HAO1: variants seen among roughly 807,000 people sequenced by gnomAD.
HAO1 encodes the protein 2-Hydroxyacid oxidase 1.
Under a neutral mutation model 39.7 loss-of-function variants are expected in HAO1, and 34 were observed. The ratio of observed to expected loss-of-function variants is 0.86; its 90% CI spans 0.65 to 1.14. HAO1 has a LOEUF of 1.14. Ranked by LOEUF, HAO1 falls within the 50% of genes most tolerant of loss-of-function variation. The probability of loss-of-function intolerance (pLI) is 0.00; values close to 1 mark genes in which losing one functional copy is unlikely to be tolerated. For synonymous variants in HAO1, 172 were observed against 173.2 expected (o/e 0.99, Z 0.05); for missense variants, 479 against 464.5 (o/e 1.03, Z -0.29).
At chr20:7,921,399 A>G (rs944529046) in intron 2 of HAO1, among the ~76,000 whole-genome samples, 3 of 152,190 alleles carry the variant, frequency 2.0e-5, no homozygotes, top group East Asian at 1.9e-4. Context: ...TCAAAACCAC[A>G]ATGATATACC....
At chr20:7,935,370 C>T (rs1451054912) in intron 1 of HAO1, among the ~76,000 whole-genome samples, 1 of 152,144 alleles carries the variant, frequency 6.6e-6, no homozygotes, top group African/African-American at 2.4e-5. Flanking sequence ...CTTCCCCAAT[C>T]TTGAAAATCA....
At chr20:7,939,935 T>C (rs1460669875) in intron 1 of HAO1, among the ~76,000 whole-genome samples, 1 of 152,244 alleles carries the variant, frequency 6.6e-6, no homozygotes. Flanking sequence ...TGGCATTTAA[T>C]GCTGTTTCCT....
chr20:7,903,593 G>GGTAGTT (rs2050231967), intron 4 of HAO1, among the ~76,000 whole-genome samples: 4 of 150,432 alleles, frequency 2.7e-5, no homozygotes, highest in Non-Finnish European at 5.9e-5. Flanking sequence ...TGGTTATGGC[G>GGTAGTT]CTGGTGGTGG....
intron 5 of HAO1, among the ~76,000 whole-genome samples, chr20:7,894,502 G>T (rs989029060): frequency 2.0e-5 from 3 of 152,124 alleles, no homozygotes; most frequent in African/African-American, 7.2e-5. Flanking sequence ...AATAGACCTG[G>T]GGAGCAGATC....
intron 1 of HAO1, 89 bp downstream of exon 1, chr20:7,940,197 C>T: frequency 8.4e-6 from 9 of 1,071,684 alleles, no homozygotes; most frequent in South Asian, 1.7e-5. Context: ...CAAATAATTA[C>T]ACACCACCAA....
Position 7,906,170 on chromosome 20 carries a change from T to G in HAO1, c.705A>C (p.Ala235=). The change falls in exon 4 of 8, where the codon GCA becomes GCC. Residue 235 remains alanine (A), a synonymous_variant. Coordinates refer to ENST00000378789, the MANE Select transcript of HAO1 (RefSeq NM_017545.3). ...LRRLTSLPIV[A]KGILRGDDAR... is the part of the protein sequence containing the mutation. ...TAAACGAACCTCTCAAAATGCCCTTTGCAACAATTGGCAATGATGTCAGTC... is the reference window on the plus strand; with the variant it reads ...TAAACGAACCTCTCAAAATGCCCTTGGCAACAATTGGCAATGATGTCAGTC... The G allele has an allele frequency of 6.2e-7, 1 of 1,612,570 alleles. No homozygotes were observed. Among genetic ancestry groups the G allele is most frequent in the Non-Finnish European group, 8.5e-7 (1 of 1,178,648 alleles).
chr20:7,934,317 G>A (rs985717468), intron 2 of HAO1, among the ~76,000 whole-genome samples, 167 bp downstream of exon 2: 3 of 152,226 alleles, frequency 2.0e-5, no homozygotes, highest in Admixed American at 6.5e-5. Flanking sequence ...CAGCTGGAAA[G>A]AAGAGGAGCA....
rs1397014891 is a variant in HAO1 at position 7,883,463 on chromosome 20, T to C, written c.*130A>G. ...TGAAATAAAAGGGATTGCTATTTTG[T>C]TGGAAAAGAACGACACCCTTTGTAT... On this transcript the variant is annotated 3_prime_UTR_variant, in exon 8 of 8. Transcript: ENST00000378789. 7 of 712,092 alleles carry C rather than the reference T, an allele frequency of 9.8e-6. No homozygotes were observed. The highest frequency in any genetic ancestry group is 2.1e-5 in the Admixed American group (1 of 46,588). The allele number at this position is 712,092 out of a possible 1,614,324, so 44.1% of individuals were successfully genotyped here.
chr20:7,922,775 A>G (rs905605235), intron 2 of HAO1, among the ~76,000 whole-genome samples: 1 of 152,100 alleles, frequency 6.6e-6, no homozygotes, highest in African/African-American at 2.4e-5. Context: ...TGGAAGAAAA[A>G]TTGTAAAGTT....
At chr20:7,905,037 T>C (rs575930542) in intron 4 of HAO1, among the ~76,000 whole-genome samples, 1 of 152,318 alleles carries the variant, frequency 6.6e-6, no homozygotes, top group East Asian at 1.9e-4. Flanking sequence ...ACAATTTTTG[T>C]AGAAGTACAG....
At chr20:7,895,950 T>A (rs1049015680) in intron 4 of HAO1, among the ~76,000 whole-genome samples, 1 of 152,002 alleles carries the variant, frequency 6.6e-6, no homozygotes, top group Non-Finnish European at 1.5e-5. Context: ...CAGGTGCCTG[T>A]AGTCCCAGCT....
intron 4 of HAO1, among the ~76,000 whole-genome samples, chr20:7,903,789 G>A (rs1458042492): frequency 6.8e-6 from 1 of 147,996 alleles, no homozygotes; most frequent in Non-Finnish European, 1.5e-5. Flanking sequence ...TGGGAGTGGT[G>A]ATGGTGATAG....
At chr20:7,904,112 A>G (rs2050236766) in intron 4 of HAO1, among the ~76,000 whole-genome samples, 1 of 152,312 alleles carries the variant, frequency 6.6e-6, no homozygotes, top group African/African-American at 2.4e-5. Flanking sequence ...TGAAACAATT[A>G]TGGAACAAGA....
At chr20:7,894,892 A>G (rs1048001971) in intron 5 of HAO1, among the ~76,000 whole-genome samples, 6 of 152,348 alleles carry the variant, frequency 3.9e-5, no homozygotes, top group Admixed American at 6.5e-5. Flanking sequence ...ATGACTTATT[A>G]TTTAACAGAG....
chr20:7,906,646 C>T (rs1396786148), intron 3 of HAO1, among the ~76,000 whole-genome samples: 1 of 152,040 alleles, frequency 6.6e-6, no homozygotes, highest in Non-Finnish European at 1.5e-5. Context: ...TGGATATAGA[C>T]AATAGAGTTG....
At chr20:7,936,504 G>GTGTGTGTGTGTC (rs1491256688) in intron 1 of HAO1, among the ~76,000 whole-genome samples, 1 of 3,968 alleles carries the variant, frequency 2.5e-4, no homozygotes, top group African/African-American at 6.3e-4. Flanking sequence ...GGCAGCAGCC[G>GTGTGTGTGTGTC]TGTGTGTGTG....
intron 5 of HAO1, among the ~76,000 whole-genome samples, chr20:7,887,326 C>T (rs2122747619): frequency 6.6e-6 from 1 of 152,230 alleles, no homozygotes; most frequent in African/African-American, 2.4e-5. Flanking sequence ...TCCACCTTTT[C>T]CAGAAATAAT....
chr20:7,903,509 G>A (rs1004319362), intron 4 of HAO1, among the ~76,000 whole-genome samples: 47 of 152,018 alleles, frequency 3.1e-4, no homozygotes, highest in Middle Eastern at 6.8e-3. Flanking sequence ...TGGTGGAGGT[G>A]GTAGTGGTGA....
chr20:7,911,754 A>G (rs1292838584), intron 3 of HAO1, among the ~76,000 whole-genome samples: 1 of 152,250 alleles, frequency 6.6e-6, no homozygotes. Context: ...TTACAGGCTC[A>G]TTCTCCTCTG....
Sources: gnomAD v4.1 joint callset for allele counts (sites outside exome capture counted in the v4.1 genomes callset) on GRCh38, gnomAD v4.1.1 for gene constraint, MANE v1.5 for transcripts, NCBI Gene and HGNC (gene_info 2026-07-23, HGNC 2026-07-21) for gene names.